Variants in TERF2 observed in about 807,000 individuals in gnomAD.
TERF2 encodes the protein telomeric repeat-binding factor 2.
TERF2 carries 16 observed loss-of-function variants against 56.1 expected under a neutral mutation model. That is an observed-to-expected ratio of 0.29 (90% CI 0.19 to 0.43). The LOEUF (loss-of-function observed/expected upper bound fraction) is 0.43. TERF2 is among the 20% of genes least tolerant of loss of function. The pLI is 1.00. For synonymous variants in TERF2, 296 were observed against 282.1 expected, an observed-to-expected ratio of 1.05 and a Z score of -0.50; for missense variants, 547 against 712.9, an observed-to-expected ratio of 0.77 and a Z score of 2.65.
chr16:69,361,917 G>A (rs146663574), intron 7 of TERF2, among the ~76,000 whole-genome samples: 6 of 94,726 alleles, frequency 6.3e-5, no homozygotes, highest in East Asian at 4.5e-4. Flanking sequence ...AGCTCACGGC[G>A]CCTTTCATCA....
At chr16:69,376,011 T>C (rs1476878907) in intron 3 of TERF2, among the ~76,000 whole-genome samples, 2 of 152,144 alleles carry the variant, frequency 1.3e-5, no homozygotes, top group Non-Finnish European at 2.9e-5. Flanking sequence ...AACCTGTCGA[T>C]TGCTTTTCCA....
chr16:69,374,682 A>T (rs2013706096), intron 3 of TERF2, among the ~76,000 whole-genome samples: 1 of 121,272 alleles, frequency 8.2e-6, no homozygotes, highest in Non-Finnish European at 1.6e-5. Context: ...AAAAAAAAAA[A>T]AAGGGCCAGG....
In TERF2 at chr16:69,384,682, G is replaced by T; in HGVS notation, c.504C>A (p.Leu168=). ...CATTGATAGCTGATTCCAGTGGTGT[G>T]AGCTCAGCCTCCATATCAAAGGAAC... ...LDCSFDMEAE[L]TPLESAINVL... The change falls in exon 3 of 10, where the codon CTC becomes CTA. Residue 168 remains leucine (L), a synonymous_variant. Transcript: ENST00000254942. 1 of 1,614,060 alleles carries T rather than the reference G, an allele frequency of 6.2e-7. No individual in the cohort carries two copies.
Position 69,385,808 on chromosome 16 carries a change from C to T in TERF2, c.164G>A (p.Arg55Gln). The T allele has an allele frequency of 1.5e-6, 2 of 1,304,940 alleles. No homozygotes were observed. The highest frequency in any genetic ancestry group is 1.9e-6 in the Non-Finnish European group (2 of 1,026,526). 80.8% of individuals were successfully genotyped at this position (1,304,940 alleles called of 1,614,324 possible). A position where few individuals can be genotyped will look rare whatever the true frequency, so the allele number is the denominator to read the frequency against. Residue 55 changes from arginine (R) to glutamine (Q), a missense_variant, in exon 1 of 10, where the codon CGG (arginine) becomes CAG (glutamine). Arg to Gln is a conservative substitution (Grantham distance 43). Coordinates refer to ENST00000254942, the MANE Select transcript of TERF2 (RefSeq NM_005652.5). ...GGGGSSDGSG[R>Q]AAGRRASRSS... ...GCGGGACGCCCGCCTGCCAGCTGCC[C>T]GCCCGCTGCCGTCGCTACTCCCGCC... is the stretch of plus-strand genomic sequence containing the variant.
intron 3 of TERF2, among the ~76,000 whole-genome samples, chr16:69,378,396 C>T (rs931211424): frequency 1.3e-5 from 2 of 152,154 alleles, no homozygotes; most frequent in Non-Finnish European, 2.9e-5. Flanking sequence ...CTGTTGCCAC[C>T]GTCATTGCTA....
In TERF2 at chr16:69,368,499, GTCA is replaced by G. The variant is rs578114535; in HGVS notation, c.841-20_841-18del. 614 of 1,613,786 alleles carry G rather than the reference GTCA, an allele frequency of 3.8e-4. 5 individuals carry two copies. The African/African-American group carries it at 7.2e-3, about 19-fold the overall frequency. Reference sequence around the variant, plus strand: ...TTTGGCCATCTGGGAAAGGAAGGATGTCATCAGGAAGAAGAGGCCACAGAATTG... The same window carrying G: ...TTTGGCCATCTGGGAAAGGAAGGATGTCAGGAAGAAGAGGCCACAGAATTG... On this transcript the variant is annotated intron_variant, in intron 5 of 9. Transcript: ENST00000254942.
chr16:69,384,962 G>A (rs2014135856), intron 2 of TERF2, among the ~76,000 whole-genome samples: 2 of 152,090 alleles, frequency 1.3e-5, no homozygotes, highest in Admixed American at 1.3e-4. Context: ...ACCTGCATTT[G>A]CCTCTCAAAT....
intron 3 of TERF2, among the ~76,000 whole-genome samples, chr16:69,378,179 A>G (rs2013863764): frequency 6.6e-6 from 1 of 152,144 alleles, no homozygotes; most frequent in Non-Finnish European, 1.5e-5. Context: ...AATATGGTGG[A>G]CTACACTGAT....
At chr16:69,361,517 T>C in intron 7 of TERF2, 28 bp from the exon 8 acceptor site, 2 of 1,523,038 alleles carry the variant, frequency 1.3e-6, no homozygotes, top group Non-Finnish European at 1.8e-6. Flanking sequence ...AGAGCACAGG[T>C]ATAAAACAAA....
At position 69,380,930 on chromosome 16, in the gene TERF2, T is replaced by C. The variant is rs149782119; in HGVS notation, c.606+3650A>G. ...AATTCTCCTGCCTCAGTCTCCCGAG[T>C]AGCTGGGATTACAGGTGCCCACCAC... is the stretch of plus-strand genomic sequence containing the variant. On this transcript the variant is annotated intron_variant, in intron 3 of 9. Coordinates refer to ENST00000254942, the MANE Select transcript of TERF2 (RefSeq NM_005652.5). Among the ~76,000 whole-genome samples the C allele has an allele frequency of 1.5e-4, 22 of 150,896 alleles. No individual in the cohort carries two copies. The East Asian group carries it at 4.4e-3, about 30-fold the overall frequency.
At chr16:69,371,761 A>T (rs2142740934) in intron 4 of TERF2, among the ~76,000 whole-genome samples, 1 of 152,194 alleles carries the variant, frequency 6.6e-6, no homozygotes, top group Middle Eastern at 3.4e-3. Flanking sequence ...GCTGCAGTGA[A>T]CTATGACTGC....
intron 3 of TERF2, among the ~76,000 whole-genome samples, chr16:69,380,538 A>G (rs561956067): frequency 6.6e-6 from 1 of 151,470 alleles, no homozygotes; most frequent in East Asian, 2.0e-4. Flanking sequence ...GGCGCCTGTA[A>G]TAACAGCTAC....
intron 4 of TERF2, 26 bp downstream of exon 4, chr16:69,372,243 C>T: frequency 1.3e-6 from 2 of 1,546,058 alleles, no homozygotes; most frequent in Non-Finnish European, 1.8e-6. Flanking sequence ...ATTTAAGTCA[C>T]AGGAGCAAAA....
intron 6 of TERF2, 148 bp from the exon 7 acceptor site, chr16:69,367,347 C>T: frequency 1.1e-6 from 1 of 876,990 alleles, no homozygotes; most frequent in South Asian, 1.9e-5. Flanking sequence ...ATTTAAAACT[C>T]CAAGTTAGAG....
At chr16:69,374,297 T>A (rs548556660) in intron 3 of TERF2, among the ~76,000 whole-genome samples, 1 of 152,148 alleles carries the variant, frequency 6.6e-6, no homozygotes, top group South Asian at 2.1e-4. Flanking sequence ...ACAATGAGGA[T>A]CCAAAACCCT....
Position 69,372,329 on chromosome 16 carries a change from T to G in TERF2, c.633A>C (p.Lys211Asn), listed in dbSNP as rs1298217342. The G allele has an allele frequency of 1.2e-6, 2 of 1,611,132 alleles. No homozygotes were observed. Among genetic ancestry groups the G allele is most frequent in the Admixed American group, 1.7e-5 (1 of 59,648 alleles). Residue 211 changes from lysine (K) to asparagine (N), a missense_variant, in exon 4 of 10, where the codon AAA (lysine) becomes AAC (asparagine). Physicochemically the swap from Lys to Asn is moderately conservative, Grantham distance 94. Transcript: ENST00000254942. ...EAAVIICIKN[K>N]EFEKASKILK... Reference sequence around the variant, plus strand: ...AAATTTTTGAAGCCTTTTCAAATTCTTTGTTTTTGATACAAATAATGACAG... The same window carrying G: ...AAATTTTTGAAGCCTTTTCAAATTCGTTGTTTTTGATACAAATAATGACAG...
At chr16:69,365,152 T>G (rs2013291884) in intron 7 of TERF2, 1 of 152,238 alleles carries the variant, frequency 6.6e-6, no homozygotes, top group South Asian at 2.1e-4. Flanking sequence ...AATCTCGCAC[T>G]CTCCTGTTTC....
At position 69,356,510 on chromosome 16, in the gene TERF2, A is replaced by G. The variant is rs897787697; in HGVS notation, c.*388T>C. The G allele has an allele frequency of 7.4e-5, 20 of 271,538 alleles. 1 individual carries two copies. Among genetic ancestry groups the G allele is most frequent in the South Asian group, 7.2e-4 (20 of 27,780 alleles). 16.8% of individuals were successfully genotyped at this position (271,538 alleles called of 1,614,324 possible). On this transcript the variant is annotated 3_prime_UTR_variant, in exon 10 of 10. Coordinates refer to ENST00000254942, the MANE Select transcript of TERF2 (RefSeq NM_005652.5). ...TCATCCCAGCCCAGCTTCTGAAAGA[A>G]ACAGCAGATGCCAGGCGCGGTGGCT...
intron 8 of TERF2, among the ~76,000 whole-genome samples, chr16:69,359,769 T>C (rs191840684): frequency 6.8e-6 from 1 of 147,694 alleles, no homozygotes; most frequent in Admixed American, 6.8e-5. Context: ...TACAGGCGCC[T>C]GCCACCACAC....
Sources: allele counts gnomAD v4.1 joint callset (sites outside exome capture counted in the v4.1 genomes callset), GRCh38; gene constraint gnomAD v4.1.1; transcripts MANE v1.5; gene names NCBI Gene and HGNC (gene_info 2026-07-23, HGNC 2026-07-21).